Variants in RNF213 observed in about 807,000 individuals in gnomAD.
RNF213 encodes the protein E3 ubiquitin-protein ligase RNF213.
A neutral mutation model predicts 514.4 loss-of-function variants in RNF213; 341 were observed. The observed-to-expected ratio is 0.66, with a 90% CI of 0.61 to 0.73. RNF213 has a LOEUF of 0.73. Ranked by LOEUF, RNF213 falls within the 30% of genes least tolerant of loss-of-function variation. The probability of loss-of-function intolerance (pLI) is 0.00; values close to 1 mark genes in which losing one functional copy is unlikely to be tolerated. For missense variants in RNF213, 5,767 were observed against 6,615.6 expected (o/e 0.87, Z 4.45); for synonymous variants, 2,655 against 2,658.2 (o/e 1.00, Z 0.04).
At position 80,393,706 on chromosome 17, in the gene RNF213, A is replaced by G; in HGVS notation, c.*208A>G. ...CTGAACCATGTACATACATGTTCTG[A>G]AACTTTCTCATCATTTTATGAGTAC... On this transcript the variant is annotated 3_prime_UTR_variant, in exon 68 of 68. Coordinates refer to ENST00000582970, the MANE Select transcript of RNF213 (RefSeq NM_001256071.3). The G allele has an allele frequency of 1.8e-6, 1 of 556,796 alleles. No individual in the cohort carries two copies. Among genetic ancestry groups the G allele is most frequent in the Non-Finnish European group, 3.2e-6 (1 of 309,480 alleles). The allele number at this position is 556,796 out of a possible 1,614,324, so 34.5% of individuals were successfully genotyped here.
rs545038204 is a variant in RNF213 at position 80,382,743 on chromosome 17, G to T, written c.13979-236G>T. On this transcript the variant is annotated intron_variant, in intron 57 of 67. Transcript: ENST00000582970. ...CTTTCAGTAATTTTTTTCAAAATGG[G>T]TCTAAGATTACAATTATGTAGGATA... 2.4e-3 allele frequency: 1,021 copies of T among 428,010 alleles called. 4 individuals carry two copies. The highest frequency in any genetic ancestry group is 3.8e-3 in the Non-Finnish European group (876 of 229,480). The allele number at this position is 428,010 out of a possible 1,614,324, so 26.5% of individuals were successfully genotyped here.
At chr17:80,352,895 C>T (rs368455596) in intron 32 of RNF213, 45 bp from the exon 33 acceptor site, 93 of 1,613,296 alleles carry the variant, frequency 5.8e-5, no homozygotes, top group Non-Finnish European at 6.8e-5. Context: ...GAGCAGCAGC[C>T]GGGAAAGACA....
rs183156391 is a variant in RNF213, at chr17:80,391,347, T to G, written c.15470+1151T>G. Among the ~76,000 whole-genome samples, 5 of 152,346 alleles carry G rather than the reference T, an allele frequency of 3.3e-5. No individual in the cohort carries two copies. In the East Asian group the frequency reaches 9.6e-4, roughly 29 times the overall value. On this transcript the variant is annotated intron_variant, in intron 67 of 67. Coordinates refer to ENST00000582970, the MANE Select transcript of RNF213 (RefSeq NM_001256071.3). ...GTGCAGTGGCGCAATCTTGGCTTAG[T>G]GCAACCGCTGCCTTCTGGGTTCAAT...
chr17:80,369,130 G>A (rs944188409), intron 44 of RNF213, among the ~76,000 whole-genome samples: 1 of 152,180 alleles, frequency 6.6e-6, no homozygotes, highest in Non-Finnish European at 1.5e-5. Context: ...CAGGCATGGT[G>A]GCTCACGCCT....
intron 38 of RNF213, among the ~76,000 whole-genome samples, chr17:80,360,556 T>C (rs568336473): frequency 6.6e-6 from 1 of 152,224 alleles, no homozygotes; most frequent in South Asian, 2.1e-4. Context: ...TTCTGGGCCT[T>C]CTCAGACTGG....
At chr17:80,372,254 TTTATCTTCATA>T (rs1376733277) in intron 47 of RNF213, among the ~76,000 whole-genome samples, 1 of 152,240 alleles carries the variant, frequency 6.6e-6, no homozygotes, top group African/African-American at 2.4e-5. Context: ...ATGGATACTT[TTTATCTTCATA>T]TTTTTATATC....
chr17:80,339,799 G>C lies in RNF213; in HGVS notation c.5432G>C (p.Gly1811Ala), dbSNP rs1599057161. The C allele has an allele frequency of 6.5e-7, 1 of 1,534,440 alleles. No individual in the cohort carries two copies. Among genetic ancestry groups the C allele is most frequent in the African/African-American group, 1.4e-5 (1 of 72,990 alleles). ...TLGHCLAHLA[G>A]MGGSPVERCL... ...GGCCACTGTCTGGCTCACCTGGCAG[G>C]GATGGGTGGGTCTCCCGTGGAGCGT... The change falls in exon 26 of 68, where the codon GGG becomes GCG. Residue 1811 changes from glycine to alanine, a missense_variant. Physicochemically the swap from Gly to Ala is moderately conservative, Grantham distance 60. Around this residue, in one of 13 missense-constraint regions of RNF213, gnomAD observed 1,377 missense variants for 1,635.2 expected, o/e 0.84. Transcript: ENST00000582970.
chr17:80,392,060 G>A lies in RNF213; in HGVS notation c.15471-1285G>A, dbSNP rs527780975. Reference sequence around the variant, plus strand: ...TAGGATTACAGGCGTGAGCCACTGCGCCCGGCCTGTCCTCTCTCTTCTTGT... The same window carrying A: ...TAGGATTACAGGCGTGAGCCACTGCACCCGGCCTGTCCTCTCTCTTCTTGT... On this transcript the variant is annotated intron_variant, in intron 67 of 67. Transcript: ENST00000582970. Among the ~76,000 whole-genome samples the A allele has an allele frequency of 5.3e-5, 8 of 152,008 alleles. No homozygotes were observed. The South Asian group carries it at 1.5e-3, about 28-fold the overall frequency.
At position 80,384,912 on chromosome 17, in the gene RNF213, C is replaced by G. The variant is rs879126285; in HGVS notation, c.14323-127C>G. 5 of 991,450 alleles carry G rather than the reference C, an allele frequency of 5.0e-6. No individual in the cohort carries two copies. The Admixed American group carries it at 7.4e-5, about 15-fold the overall frequency. 61.4% of individuals were successfully genotyped at this position (991,450 alleles called of 1,614,324 possible). On this transcript the variant is annotated intron_variant, in intron 59 of 67. Transcript: ENST00000582970. ...CCCGTTTTCAAGCTCCACGCTGCAT[C>G]ACAGGAAATGACACTGACCAGATTA...
intron 17 of RNF213, among the ~76,000 whole-genome samples, chr17:80,322,563 G>A (rs564426967): frequency 1.2e-4 from 18 of 151,910 alleles, no homozygotes; most frequent in African/African-American, 1.7e-4. Context: ...GCGACAGAGC[G>A]AGACTCTGTC....
intron 2 of RNF213, among the ~76,000 whole-genome samples, chr17:80,268,212 C>T (rs2043673689): frequency 6.6e-6 from 1 of 151,824 alleles, no homozygotes; most frequent in Non-Finnish European, 1.5e-5. Flanking sequence ...TGGTGGATTC[C>T]ATATCTTGGC....
At position 80,361,750 on chromosome 17, in the gene RNF213, C is replaced by A. The variant is rs373714785; in HGVS notation, c.11217C>A (p.Phe3739Leu). ...TCTCTGCAGGACTGCCCAAGAAGTT[C>A]GTGGACATCTTTCAGCAGACTCCTC... Reference protein sequence around the residue: ...ITDAEGLPKKFVDIFQQTPLG... With the variant: ...ITDAEGLPKKLVDIFQQTPLG... Residue 3739 changes from phenylalanine (F) to leucine (L), a missense_variant, in exon 39 of 68, where the codon TTC becomes TTA. Around this residue, in one of 13 missense-constraint regions of RNF213, gnomAD observed 355 missense variants for 358.0 expected, o/e 0.99. Coordinates refer to ENST00000582970, the MANE Select transcript of RNF213 (RefSeq NM_001256071.3). 8.1e-6 allele frequency: 13 copies of A among 1,613,710 alleles called. No individual in the cohort carries two copies. The East Asian group carries it at 2.9e-4, about 36-fold the overall frequency.
chr17:80,308,223 C>T (rs1342018751), intron 13 of RNF213, among the ~76,000 whole-genome samples: 1 of 151,982 alleles, frequency 6.6e-6, no homozygotes, highest in Admixed American at 6.6e-5. Flanking sequence ...CTCCTTTGTT[C>T]ACGTCTCTGC....
Position 80,289,709 on chromosome 17 carries a change from C to T in RNF213, c.984C>T (p.Val328=), listed in dbSNP as rs1197897694. 8.1e-6 allele frequency: 13 copies of T among 1,613,638 alleles called. No homozygotes were observed. The highest frequency in any genetic ancestry group is 2.7e-5 in the African/African-American group (2 of 74,786). Residue 328 remains valine, a synonymous_variant, in exon 6 of 68, where the codon GTC becomes GTT. Coordinates refer to ENST00000582970, the MANE Select transcript of RNF213 (RefSeq NM_001256071.3). ...AGATGGCTGCTGCTGAAGAAAAAGT[C>T]GGTAAGAATGAACAAGGGGAGCCTG... The part of the protein sequence containing the change: ...KDEMAAAEEK[V]GKNEQGEPED...
chr17:80,393,555 TCTGCGG>T lies in RNF213; in HGVS notation c.*59_*64del. ...TGGAGAGAAGACTCCTCTCTCCTCG[TCTGCGG>T]CGTGGACTTGATCATGGACTGGTGC... On this transcript the variant is annotated 3_prime_UTR_variant, in exon 68 of 68. Coordinates refer to ENST00000582970, the MANE Select transcript of RNF213 (RefSeq NM_001256071.3). The T allele has an allele frequency of 6.4e-7, 1 of 1,569,572 alleles. No individual in the cohort carries two copies. The highest frequency in any genetic ancestry group is 8.7e-7 in the Non-Finnish European group (1 of 1,143,240).
At chr17:80,331,085 C>T (rs1263094254) in intron 20 of RNF213, among the ~76,000 whole-genome samples, 1 of 152,192 alleles carries the variant, frequency 6.6e-6, no homozygotes, top group Non-Finnish European at 1.5e-5. Context: ...TCCCAAAGTG[C>T]TGGGATTACG....
chr17:80,389,929 C>G lies in RNF213; in HGVS notation c.15285+12C>G, dbSNP rs780341759. Reference sequence around the variant, plus strand: ...TGCGGCTGCACAAAGTAAGTCTGGTCTCTTCCTCTCTGCTGGACAGAGGGA... The same window carrying G: ...TGCGGCTGCACAAAGTAAGTCTGGTGTCTTCCTCTCTGCTGGACAGAGGGA... On this transcript the variant is annotated intron_variant, in intron 66 of 67. Transcript: ENST00000582970. The G allele has an allele frequency of 9.9e-6, 16 of 1,613,998 alleles. No homozygotes were observed. The highest frequency in any genetic ancestry group is 1.4e-5 in the Non-Finnish European group (16 of 1,179,830).
At chr17:80,352,137 G>A (rs1219811329) in intron 32 of RNF213, 3 of 266,250 alleles carry the variant, frequency 1.1e-5, no homozygotes, top group Non-Finnish European at 2.2e-5. Flanking sequence ...ACAGGTGTGA[G>A]CCACCGCACC....
Position 80,332,070 on chromosome 17 carries a change from C to T in RNF213, c.3582C>T (p.Thr1194=), listed in dbSNP as rs777613331. The change falls in exon 21 of 68, where the codon ACC becomes ACT. Residue 1194 remains threonine (T), a synonymous_variant. Coordinates refer to ENST00000582970, the MANE Select transcript of RNF213 (RefSeq NM_001256071.3). ...QDLSSKRLND[T]VTVRLSTSSN... ...TCAGCAGTAAAAGATTAAATGACAC[C>T]GTGACAGTGAGACTGTCCACCTCCT... is the stretch of plus-strand genomic sequence containing the variant. 9 of 1,537,010 alleles carry T rather than the reference C, an allele frequency of 5.9e-6. No homozygotes were observed. The highest frequency in any genetic ancestry group is 4.8e-5 in the South Asian group (4 of 84,062).
Sources: allele counts gnomAD v4.1 joint callset (sites outside exome capture counted in the v4.1 genomes callset), GRCh38; gene constraint gnomAD v4.1.1; regional missense constraint gnomAD v4.1.1; transcripts MANE v1.5; gene names NCBI Gene and HGNC (gene_info 2026-07-23, HGNC 2026-07-21).